Variants in DOCK6 observed in about 807,000 individuals in gnomAD.
DOCK6 encodes dedicator of cytokinesis protein 6.
In DOCK6, 167 loss-of-function variants were observed where a neutral mutation model predicts 230.3. The observed-to-expected ratio is 0.73, with a 90% CI of 0.64 to 0.82. The LOEUF (loss-of-function observed/expected upper bound fraction) is 0.82, where lower values mean the gene tolerates loss of function less well. Ranked by LOEUF, DOCK6 falls within the 40% of genes least tolerant of loss-of-function variation. The pLI, the probability that DOCK6 is intolerant of heterozygous loss-of-function variation, is 0.00. For missense variants in DOCK6, 2,598 were observed against 2,825.8 expected, an observed-to-expected ratio of 0.92 and a Z score of 1.83; for synonymous variants, 1,148 against 1,185.0, an observed-to-expected ratio of 0.97 and a Z score of 0.64.
At chr19:11,225,853 AGACCCT>A (rs1463900606) in intron 24 of DOCK6, among the ~76,000 whole-genome samples, 8 of 140,796 alleles carry the variant, frequency 5.7e-5, no homozygotes, top group African/African-American at 2.2e-4. Flanking sequence ...CAACATAGTG[AGACCCT>A]GACTCTACTA....
intron 41 of DOCK6, among the ~76,000 whole-genome samples, chr19:11,203,051 C>T (rs1395181616): frequency 6.6e-6 from 1 of 152,130 alleles, no homozygotes; most frequent in Non-Finnish European, 1.5e-5. Context: ...TTCCTGTGCC[C>T]TGAGGCCCAC....
chr19:11,245,361 A>G (rs933540024), intron 9 of DOCK6, among the ~76,000 whole-genome samples: 1 of 152,050 alleles, frequency 6.6e-6, no homozygotes, highest in Non-Finnish European at 1.5e-5. Flanking sequence ...TATAGTTATC[A>G]GCTCAACTGT....
At chr19:11,205,675 C>G (rs1004224132) in intron 39 of DOCK6, 6 of 152,040 alleles carry the variant, frequency 3.9e-5, no homozygotes, top group African/African-American at 1.4e-4. Flanking sequence ...TGGGGTTTCA[C>G]TATATTGGCC....
In DOCK6 at chr19:11,213,295, G is replaced by A. The variant is rs2079424687; in HGVS notation, c.4372C>T (p.Leu1458=). The part of the protein sequence containing the change: ...PELLFEEDTE[L]CADLCLRLLR... The stretch of plus-strand genomic sequence containing the variant: ...AGCCTCAGGCACAGGTCGGCACACA[G>A]CTCCGTGTCCTCCTCGAACAGCAGC... The change falls in exon 35 of 48, where the codon CTG becomes TTG. Residue 1458 remains leucine, a synonymous_variant. Transcript: ENST00000294618. 1 of 1,612,472 alleles carries A rather than the reference G, an allele frequency of 6.2e-7. No homozygotes were observed. Among genetic ancestry groups the A allele is most frequent in the Non-Finnish European group, 8.5e-7 (1 of 1,179,874 alleles).
chr19:11,254,037 GC>G (rs1371457852), intron 1 of DOCK6: 8 of 283,724 alleles, frequency 2.8e-5, no homozygotes, highest in African/African-American at 1.3e-4. Flanking sequence ...CCTGGCCTCT[GC>G]TCCCTCATCT....
At chr19:11,247,280 G>A (rs1301123358) in intron 7 of DOCK6, 1 of 150,988 alleles carries the variant, frequency 6.6e-6, no homozygotes, top group Non-Finnish European at 1.5e-5. Flanking sequence ...TTTCAGTAGA[G>A]ATGGTGTTTT....
chr19:11,224,700 G>T (rs1195233195), intron 24 of DOCK6, among the ~76,000 whole-genome samples: 1 of 152,114 alleles, frequency 6.6e-6, no homozygotes, highest in Non-Finnish European at 1.5e-5. Flanking sequence ...GGCCCAGCTG[G>T]TATTCGTTCT....
rs1201554422 is a variant in DOCK6, at chr19:11,251,237, C to T, written c.508-151G>A. 5 of 746,064 alleles carry T rather than the reference C, an allele frequency of 6.7e-6. No individual in the cohort carries two copies. The Admixed American group carries it at 8.2e-5, about 12-fold the overall frequency. The allele number at this position is 746,064 out of a possible 1,614,324, so 46.2% of individuals were successfully genotyped here. ...CTCTAAGGGTCACCTGGGGGTTTTG[C>T]CTACCCTCTTTCCAGAAACTTCTGT... On this transcript the variant is annotated intron_variant, in intron 5 of 47. Transcript: ENST00000294618.
Position 11,243,627 on chromosome 19 carries a change from C to G in DOCK6, c.1188G>C (p.Trp396Cys), listed in dbSNP as rs1438584914. Residue 396 changes from tryptophan to cysteine, a missense_variant, in exon 11 of 48, where the codon TGG becomes TGC. Transcript: ENST00000294618. This position sits in a 1 kb window ranked among gnomAD's most constrained non-coding sequence, Gnocchi z 6.3. ...CGATGTTGGCCAAGTGCACGGCCGTCCAGGCGAAGGGCATGCGGTAGCGGC... is the reference window on the plus strand; with the variant it reads ...CGATGTTGGCCAAGTGCACGGCCGTGCAGGCGAAGGGCATGCGGTAGCGGC... ...RLGRYRMPFA[W>C]TAVHLANIVS... is the part of the protein sequence containing the mutation. The G allele has an allele frequency of 6.2e-7, 1 of 1,612,222 alleles. No individual in the cohort carries two copies. The highest frequency in any genetic ancestry group is 8.5e-7 in the Non-Finnish European group (1 of 1,179,622).
At chr19:11,259,881 C>CTTTTTTTTTT (rs1205836383) in intron 1 of DOCK6, among the ~76,000 whole-genome samples, 788 of 67,770 alleles carry the variant, frequency 0.012, 176 homozygotes, top group South Asian at 0.02. Context: ...CGCGCCCGGC[C>CTTTTTTTTTT]TTTTTTTTTT....
In DOCK6 at chr19:11,200,148, C is replaced by CAAA. The variant is rs746812913; in HGVS notation, c.6101+157_6101+159dup. Among the ~76,000 whole-genome samples the CAAA allele has an allele frequency of 1.1e-4, 8 of 75,856 alleles. No homozygotes were observed. Among genetic ancestry groups the CAAA allele is most frequent in the East Asian group, 8.5e-4 (2 of 2,364 alleles). 49.8% of individuals were successfully genotyped at this position (75,856 alleles called of 152,430 possible). A position where few individuals can be genotyped will look rare whatever the true frequency, so the allele number is the denominator to read the frequency against. On this transcript the variant is annotated intron_variant, in intron 47 of 47. Transcript: ENST00000294618. The surrounding 1 kb of genome is among the most constrained non-coding windows in gnomAD (Gnocchi z 4.3). ...CCTGGGCAACAGAGGGAGAGTCTCT[C>CAAA]AAAAAAAAAAACAAAAAAAAAACCG...
At chr19:11,257,724 G>A (rs564904632) in intron 1 of DOCK6, among the ~76,000 whole-genome samples, 63 of 152,012 alleles carry the variant, frequency 4.1e-4, no homozygotes, top group Non-Finnish European at 7.8e-4. Context: ...GGGAGGTGGA[G>A]GTTGCAGTGA....
chr19:11,223,047 C>A lies in DOCK6; in HGVS notation c.3015G>T (p.Leu1005=), dbSNP rs1213263402. 6.8e-6 allele frequency: 11 copies of A among 1,613,676 alleles called. No homozygotes were observed. Among genetic ancestry groups the A allele is most frequent in the Non-Finnish European group, 9.3e-6 (11 of 1,179,876 alleles). ...AGACAAAGCCCCGGTCCACCAGGGA[C>A]AGAAGGTCACTGAGGAAGAAAGCCA... ...ASLAFFLSDL[L]SLVDRGFVFS... The change falls in exon 25 of 48, where the codon CTG becomes CTT. Residue 1005 remains leucine, a synonymous_variant. Coordinates refer to ENST00000294618, the MANE Select transcript of DOCK6 (RefSeq NM_020812.4).
chr19:11,206,443 A>C (rs529576267), intron 39 of DOCK6: 4 of 152,000 alleles, frequency 2.6e-5, no homozygotes, highest in African/African-American at 9.6e-5. Flanking sequence ...GGTGGTGCGC[A>C]CTTATAGTCC....
chr19:11,237,190 T>TA (rs1423077259), intron 18 of DOCK6: 6 of 592,336 alleles, frequency 1.0e-5, no homozygotes, highest in Non-Finnish European at 1.8e-5. Flanking sequence ...TGGGGAATGA[T>TA]AAGGTACTAC....
In DOCK6 at chr19:11,243,809, G is replaced by C; in HGVS notation, c.1097C>G (p.Thr366Arg). 6.2e-7 allele frequency: 1 copy of C among 1,613,140 alleles called. No homozygotes were observed. Residue 366 changes from threonine (T) to arginine (R), a missense_variant, in exon 10 of 48, where the codon ACA becomes AGA. Transcript: ENST00000294618. The surrounding 1 kb of genome is among the most constrained non-coding windows in gnomAD (Gnocchi z 6.3). ...CAGCCTCCACACGCTTACCTTGGCT[G>C]TGTCCACTTCTTTCAACACCATGTA... Reference protein sequence around the residue: ...EPYMVLKEVDTAKNKEKLEKL... With the variant: ...EPYMVLKEVDRAKNKEKLEKL...
intron 22 of DOCK6, chr19:11,232,378 T>C: frequency 9.6e-7 from 1 of 1,045,480 alleles, no homozygotes; most frequent in South Asian, 1.4e-5. Flanking sequence ...TTCTGGACCA[T>C]ACATGTGCCC....
At chr19:11,208,850 T>A (rs750689710) in intron 38 of DOCK6, 21 bp from the exon 39 acceptor site, 1 of 1,607,942 alleles carries the variant, frequency 6.2e-7, no homozygotes, top group Non-Finnish European at 8.5e-7. Context: ...AGAGGTGGCG[T>A]CAGACCCTGG....
chr19:11,239,820 A>G, intron 14 of DOCK6: 7 of 1,604,650 alleles, frequency 4.4e-6, no homozygotes, highest in Non-Finnish European at 6.0e-6. Flanking sequence ...GACGGCTGAC[A>G]AAGGCCAGGA....
Sources: gnomAD v4.1 joint callset for allele counts (sites outside exome capture counted in the v4.1 genomes callset) on GRCh38, gnomAD v4.1.1 for gene constraint, Gnocchi (gnomAD v3.1) non-coding constraint, MANE v1.5 for transcripts, NCBI Gene and HGNC (gene_info 2026-07-23, HGNC 2026-07-21) for gene names.